Variants in LAMA2 observed in about 807,000 individuals in gnomAD.
LAMA2 encodes the protein laminin subunit alpha-2.
A neutral mutation model predicts 364.8 loss-of-function variants in LAMA2; 269 were observed. The observed-to-expected ratio is 0.74, with a 90% CI of 0.67 to 0.82. The LOEUF (loss-of-function observed/expected upper bound fraction) is 0.82, where lower values mean the gene tolerates loss of function less well. Among genes scored for constraint, LAMA2 ranks in the 40% least tolerant of loss-of-function variants. The pLI is 0.00. For missense variants in LAMA2, 3,807 were observed against 3,873.2 expected, an observed-to-expected ratio of 0.98 and a Z score of 0.45; for synonymous variants, 1,379 against 1,370.6, an observed-to-expected ratio of 1.01 and a Z score of -0.14.
At chr6:129,115,055 A>G (rs1488314201) in intron 4 of LAMA2, among the ~76,000 whole-genome samples, 1 of 152,082 alleles carries the variant, frequency 6.6e-6, no homozygotes, top group East Asian at 1.9e-4. Flanking sequence ...TTGTATGACA[A>G]TGACTTCTAT....
intron 30 of LAMA2, among the ~76,000 whole-genome samples, chr6:129,345,704 AT>A (rs1776508251): frequency 6.6e-6 from 1 of 150,726 alleles, no homozygotes; most frequent in Non-Finnish European, 1.5e-5. Flanking sequence ...ATATCTAAAT[AT>A]ATGTATTATA....
intron 33 of LAMA2, among the ~76,000 whole-genome samples, chr6:129,367,450 A>G (rs1777838759): frequency 1.3e-5 from 2 of 152,230 alleles, no homozygotes; most frequent in Admixed American, 1.3e-4. Flanking sequence ...CAAACATTCA[A>G]AGTACATTAG....
chr6:129,324,292 C>G (rs1775142137), intron 28 of LAMA2, among the ~76,000 whole-genome samples: 1 of 152,058 alleles, frequency 6.6e-6, no homozygotes, highest in Non-Finnish European at 1.5e-5. Flanking sequence ...TCAAGTAATC[C>G]TCAGATCCAC....
At chr6:129,383,329 C>G (rs1778802239) in intron 35 of LAMA2, 96 bp downstream of exon 35, 3 of 963,924 alleles carry the variant, frequency 3.1e-6, no homozygotes, top group Non-Finnish European at 4.9e-6. Context: ...TTATAAGTGA[C>G]ATCTGTAAAA....
intron 4 of LAMA2, among the ~76,000 whole-genome samples, chr6:129,127,014 C>T (rs957672425): frequency 6.6e-6 from 1 of 152,180 alleles, no homozygotes; most frequent in Non-Finnish European, 1.5e-5. Flanking sequence ...TTGCAGTAAG[C>T]TGAGACTGTG....
chr6:129,460,461 C>A, intron 49 of LAMA2, 137 bp downstream of exon 49: 3 of 911,578 alleles, frequency 3.3e-6, no homozygotes, highest in South Asian at 1.4e-5. Flanking sequence ...GGAATTACCA[C>A]AAAACTAATG....
At chr6:129,027,506 CAGA>C (rs914524664) in intron 1 of LAMA2, among the ~76,000 whole-genome samples, 2 of 151,902 alleles carry the variant, frequency 1.3e-5, no homozygotes, top group East Asian at 1.9e-4. Context: ...TCTGAAGATT[CAGA>C]AGAAGTATAC....
At chr6:129,084,288 C>A (rs922856965) in intron 3 of LAMA2, among the ~76,000 whole-genome samples, 1 of 152,096 alleles carries the variant, frequency 6.6e-6, no homozygotes, top group Non-Finnish European at 1.5e-5. Context: ...TTTTCAACCT[C>A]CTAAAAAGAT....
chr6:128,931,476 G>GT (rs562939399), intron 1 of LAMA2, among the ~76,000 whole-genome samples: 3 of 152,022 alleles, frequency 2.0e-5, no homozygotes, highest in East Asian at 1.9e-4. Context: ...TAAAACTACC[G>GT]TTTTTTTCTT....
In LAMA2 at chr6:129,258,628, G is replaced by T. The variant is rs1401422852; in HGVS notation, c.2097-2083G>T. Among the ~76,000 whole-genome samples, 5 of 151,964 alleles carry T rather than the reference G, an allele frequency of 3.3e-5. No homozygotes were observed. The East Asian group carries it at 9.6e-4, about 29-fold the overall frequency. The stretch of plus-strand genomic sequence containing the variant: ...AACATTGTAAATGTACTAAATCACA[G>T]AATTGTACAATTTATTTTTTAAATT... On this transcript the variant is annotated intron_variant, in intron 14 of 64. Transcript: ENST00000421865.
At chr6:129,173,604 A>T (rs971397543) in intron 9 of LAMA2, among the ~76,000 whole-genome samples, 1 of 152,210 alleles carries the variant, frequency 6.6e-6, no homozygotes, top group Non-Finnish European at 1.5e-5. Context: ...CAAAAATAGA[A>T]ATATAATAAT....
chr6:129,123,966 G>A (rs373646121), intron 4 of LAMA2, among the ~76,000 whole-genome samples: 8 of 152,252 alleles, frequency 5.3e-5, no homozygotes, highest in South Asian at 2.1e-4. Context: ...TGGCAGAGAC[G>A]GTGGTGATGG....
intron 21 of LAMA2, 119 bp downstream of exon 21, chr6:129,297,984 G>A (rs1242599377): frequency 5.9e-6 from 4 of 681,220 alleles, no homozygotes; most frequent in South Asian, 3.5e-5. Context: ...AACATAATGA[G>A]TAATGTCTAC....
chr6:129,101,748 T>C (rs535530367), intron 4 of LAMA2, among the ~76,000 whole-genome samples: 1 of 152,238 alleles, frequency 6.6e-6, no homozygotes, highest in Non-Finnish European at 1.5e-5. Flanking sequence ...CAAAGTTCTG[T>C]TGGGCAATGC....
chr6:129,398,934 A>C (rs577097510), intron 37 of LAMA2, among the ~76,000 whole-genome samples: 1 of 152,220 alleles, frequency 6.6e-6, no homozygotes, highest in Admixed American at 6.5e-5. Context: ...GTCTGGATGC[A>C]CGGGCTGATA....
rs572681164 is a variant in LAMA2 at position 129,168,485 on chromosome 6, C to A, written c.1306+2810C>A. Reference sequence around the variant, plus strand: ...AGATCAGGTAGTTGTACATATGCGGCGTTATTTCTGAGGGCTCTGTTCTGT... The same window carrying A: ...AGATCAGGTAGTTGTACATATGCGGAGTTATTTCTGAGGGCTCTGTTCTGT... On this transcript the variant is annotated intron_variant, in intron 9 of 64. Transcript: ENST00000421865. Among the ~76,000 whole-genome samples, 557 of 152,128 alleles carry A rather than the reference C, an allele frequency of 3.7e-3. 6 individuals carry two copies. The highest frequency in any genetic ancestry group is 0.013 in the African/African-American group (532 of 41,494).
intron 12 of LAMA2, among the ~76,000 whole-genome samples, chr6:129,207,131 G>GT (rs1782729760): frequency 6.6e-6 from 1 of 152,154 alleles, no homozygotes; most frequent in Admixed American, 6.5e-5. Context: ...ACAGATGATT[G>GT]TTTTACTCAG....
At chr6:129,337,733 CA>C (rs968664825) in intron 29 of LAMA2, among the ~76,000 whole-genome samples, 1 of 149,606 alleles carries the variant, frequency 6.7e-6, no homozygotes, top group African/African-American at 2.4e-5. Context: ...TTCCAGTGTG[CA>C]AAAAAAAACT....
At chr6:129,508,391 C>A (rs1015777338) in intron 62 of LAMA2, among the ~76,000 whole-genome samples, 3 of 149,908 alleles carry the variant, frequency 2.0e-5, no homozygotes, top group Non-Finnish European at 4.4e-5. Context: ...TGATTATACT[C>A]TTTTAGTTAT....
Sources: allele counts gnomAD v4.1 joint callset (sites outside exome capture counted in the v4.1 genomes callset), GRCh38; gene constraint gnomAD v4.1.1; transcripts MANE v1.5; gene names NCBI Gene and HGNC (gene_info 2026-07-23, HGNC 2026-07-21).